The following MAN2A1 variants were observed in gnomAD, a reference collection of about 807,000 sequenced individuals.
MAN2A1 encodes the protein alpha-mannosidase 2.
In MAN2A1, 76 loss-of-function variants were observed where a neutral mutation model predicts 142.6. The observed-to-expected ratio is 0.53, with a 90% CI of 0.44 to 0.65. The LOEUF (loss-of-function observed/expected upper bound fraction) is 0.65. Ranked by LOEUF, MAN2A1 falls within the 30% of genes least tolerant of loss-of-function variation. MAN2A1 has a pLI of 0.00. For synonymous variants in MAN2A1, 559 were observed against 473.2 expected, an observed-to-expected ratio of 1.18 and a Z score of -2.35; for missense variants, 1,311 against 1,365.1, an observed-to-expected ratio of 0.96 and a Z score of 0.62.
chr5:109,774,727 C>T (rs1038659057), intron 7 of MAN2A1, 61 bp from the exon 8 acceptor site: 1 of 1,233,458 alleles, frequency 8.1e-7, no homozygotes, highest in Non-Finnish European at 1.1e-6. Context: ...TCAATTGTCA[C>T]ATTCACTTTT....
chr5:109,819,467 TTTTG>T (rs1243589793), intron 13 of MAN2A1, among the ~76,000 whole-genome samples, 198 bp from the exon 14 acceptor site: 1 of 152,190 alleles, frequency 6.6e-6, no homozygotes, highest in Admixed American at 6.5e-5. Context: ...TATTTGTATT[TTTTG>T]TTTTTTGTTT....
At chr5:109,833,191 C>CG (rs201229174) in intron 16 of MAN2A1, among the ~76,000 whole-genome samples, 2,773 of 150,748 alleles carry the variant, frequency 0.018, 35 homozygotes, top group Middle Eastern at 0.072. Context: ...CCAGACTGGG[C>CG]GGCCGGGCAG....
intron 16 of MAN2A1, among the ~76,000 whole-genome samples, chr5:109,839,873 T>A (rs945205855): frequency 6.6e-6 from 1 of 152,104 alleles, no homozygotes; most frequent in Admixed American, 6.6e-5. Flanking sequence ...ATTTTTATTT[T>A]AGAATTTCCA....
chr5:109,753,006 G>T (rs1752589013), intron 4 of MAN2A1, among the ~76,000 whole-genome samples: 1 of 152,118 alleles, frequency 6.6e-6, no homozygotes, highest in African/African-American at 2.4e-5. Context: ...TCTATCATTG[G>T]AGTAAATTTT....
chr5:109,837,198 A>G (rs931569984), intron 16 of MAN2A1, among the ~76,000 whole-genome samples: 2 of 150,768 alleles, frequency 1.3e-5, no homozygotes, highest in South Asian at 2.1e-4. Flanking sequence ...CTGCTGTGCA[A>G]TAGAGTATCT....
chr5:109,774,611 A>G (rs1214763326), intron 7 of MAN2A1, among the ~76,000 whole-genome samples, 177 bp from the exon 8 acceptor site: 2 of 152,176 alleles, frequency 1.3e-5, no homozygotes, highest in African/African-American at 2.4e-5. Flanking sequence ...TTAGTATGAT[A>G]GTTTTAAAAA....
intron 3 of MAN2A1, among the ~76,000 whole-genome samples, chr5:109,724,374 A>T (rs1294689233): frequency 6.6e-6 from 1 of 152,178 alleles, no homozygotes; most frequent in African/African-American, 2.4e-5. Context: ...CCTCAACATC[A>T]TGCAATATAC....
At chr5:109,742,560 C>G (rs1276957325) in intron 4 of MAN2A1, among the ~76,000 whole-genome samples, 2 of 152,066 alleles carry the variant, frequency 1.3e-5, no homozygotes, top group Admixed American at 6.6e-5. Context: ...AATAAGAATC[C>G]AAACTTAACT....
intron 16 of MAN2A1, chr5:109,840,710 C>T (rs890547457): frequency 2.4e-6 from 1 of 412,966 alleles, no homozygotes; most frequent in Admixed American, 2.8e-5. Context: ...AAGGACCGAT[C>T]CAGTATGGCC....
chr5:109,755,210 C>A, intron 4 of MAN2A1, 119 bp from the exon 5 acceptor site: 2 of 723,388 alleles, frequency 2.8e-6, no homozygotes, highest in Non-Finnish European at 4.6e-6. Context: ...CATTTTTTGA[C>A]AACTAGTATA....
At chr5:109,724,094 AG>A (rs1751678345) in intron 3 of MAN2A1, among the ~76,000 whole-genome samples, 1 of 152,362 alleles carries the variant, frequency 6.6e-6, no homozygotes, top group East Asian at 1.9e-4. Flanking sequence ...ATTAATCAGC[AG>A]CGTATTTGAG....
chr5:109,767,301 G>C (rs6862458), intron 5 of MAN2A1, among the ~76,000 whole-genome samples: 151,856 of 152,222 alleles, frequency 1, 75,747 homozygotes, highest in Middle Eastern at 1. Context: ...GTATTTATTT[G>C]AACTCTAACT....
chr5:109,712,249 G>A (rs1441259293), intron 1 of MAN2A1, among the ~76,000 whole-genome samples: 4 of 151,956 alleles, frequency 2.6e-5, no homozygotes, highest in Admixed American at 2.0e-4. Flanking sequence ...TAACCTGTGA[G>A]TATAAACCTT....
Position 109,789,449 on chromosome 5 carries a change from C to T in MAN2A1, c.1876-11C>T. 6.6e-7 allele frequency: 1 copy of T among 1,520,314 alleles called. No homozygotes were observed. The highest frequency in any genetic ancestry group is 9.0e-7 in the Non-Finnish European group (1 of 1,110,204). 94.2% of individuals were successfully genotyped at this position (1,520,314 alleles called of 1,614,324 possible). A position where few individuals can be genotyped will look rare whatever the true frequency, so the allele number is the denominator to read the frequency against. ...TAAGTAAAATTAAAAAATTACTGTT[C>T]ATTTTTATAGGATTTGAAACAAAAA... On this transcript the variant is annotated splice_polypyrimidine_tract_variant and intron_variant, in intron 11 of 21. Coordinates refer to ENST00000261483, the MANE Select transcript of MAN2A1 (RefSeq NM_002372.4).
At chr5:109,728,468 C>T (rs1315066823) in intron 3 of MAN2A1, among the ~76,000 whole-genome samples, 2 of 152,060 alleles carry the variant, frequency 1.3e-5, no homozygotes, top group Admixed American at 6.6e-5. Flanking sequence ...GTCTGCTTTG[C>T]CTGCCACCAG....
intron 3 of MAN2A1, among the ~76,000 whole-genome samples, chr5:109,726,104 T>C (rs1308793337): frequency 6.6e-6 from 1 of 152,136 alleles, no homozygotes; most frequent in Non-Finnish European, 1.5e-5. Context: ...CTCGTTCAAT[T>C]TTCAGGGATA....
At chr5:109,748,361 G>T (rs1011389658) in intron 4 of MAN2A1, among the ~76,000 whole-genome samples, 2 of 148,034 alleles carry the variant, frequency 1.4e-5, no homozygotes, top group Non-Finnish European at 3.0e-5. Context: ...TCATTTTTAT[G>T]AGCCAGTTAT....
At chr5:109,846,105 T>C in intron 18 of MAN2A1, 99 bp downstream of exon 18, 1 of 1,053,784 alleles carries the variant, frequency 9.5e-7, no homozygotes, top group Non-Finnish European at 1.3e-6. Flanking sequence ...AGTTAAAACC[T>C]CCCTGTCTTC....
intron 1 of MAN2A1, among the ~76,000 whole-genome samples, chr5:109,692,260 C>T (rs575876961): frequency 6.6e-6 from 1 of 152,240 alleles, no homozygotes; most frequent in African/African-American, 2.4e-5. Context: ...TGAAGTTCTG[C>T]TTTAAGCGTA....
Sources: gnomAD v4.1 joint callset for allele counts (sites outside exome capture counted in the v4.1 genomes callset) on GRCh38, gnomAD v4.1.1 for gene constraint, MANE v1.5 for transcripts, NCBI Gene and HGNC (gene_info 2026-07-23, HGNC 2026-07-21) for gene names.